The following UGGT2 variants were observed in gnomAD, a reference collection of about 807,000 sequenced individuals.
UGGT2 encodes the protein UDP-glucose:glycoprotein glucosyltransferase 2.
In UGGT2, 180 loss-of-function variants were observed where a neutral mutation model predicts 192.1. That is an observed-to-expected ratio of 0.94 (90% confidence interval 0.83 to 1.06). The LOEUF is 1.06. Ranked by LOEUF, UGGT2 falls within the 50% of genes least tolerant of loss-of-function variation. UGGT2 has a pLI of 0.00. For synonymous variants in UGGT2, 580 were observed against 591.0 expected, an observed-to-expected ratio of 0.98 and a Z score of 0.27; for missense variants, 1,849 against 1,795.7, an observed-to-expected ratio of 1.03 and a Z score of -0.54.
chr13:95,891,998 G>A (rs1036968212), intron 24 of UGGT2, among the ~76,000 whole-genome samples: 8 of 152,208 alleles, frequency 5.3e-5, no homozygotes, highest in Middle Eastern at 3.4e-3. Context: ...GATAATTATT[G>A]CTAGACCTAA....
chr13:95,960,073 T>C (rs2050340030), intron 12 of UGGT2, among the ~76,000 whole-genome samples: 1 of 152,188 alleles, frequency 6.6e-6, no homozygotes, highest in African/African-American at 2.4e-5. Flanking sequence ...AAAAGTGTAC[T>C]ATGCAACTAA....
At position 95,932,913 on chromosome 13, in the gene UGGT2, A is replaced by G. The variant is rs757146522; in HGVS notation, c.1977+4011T>C. On this transcript the variant is annotated intron_variant, in intron 17 of 38. Coordinates refer to ENST00000376747, the MANE Select transcript of UGGT2 (RefSeq NM_020121.4). The stretch of plus-strand genomic sequence containing the variant: ...TTACTGATTTGTTAATGTTGAACCA[A>G]CCTTTCTCAGGAGTGAAGCCTATTT... 3.3e-5 allele frequency among the ~76,000 whole-genome samples: 5 copies of G among 152,310 alleles called. No homozygotes were observed. In the East Asian group the frequency reaches 9.7e-4, roughly 29 times the overall value.
At chr13:96,052,982 C>A (rs926848005) in intron 1 of UGGT2, among the ~76,000 whole-genome samples, 173 bp downstream of exon 1, 7 of 152,242 alleles carry the variant, frequency 4.6e-5, no homozygotes, top group African/African-American at 1.7e-4. Context: ...TGCACGGGAA[C>A]CGAGAAGCCG....
intron 10 of UGGT2, among the ~76,000 whole-genome samples, chr13:95,981,545 A>G (rs2051125911): frequency 6.6e-6 from 1 of 152,170 alleles, no homozygotes; most frequent in Admixed American, 6.5e-5. Context: ...AAATTTCTTA[A>G]GTAAATCCTT....
chr13:95,885,392 C>T (rs1283492291), intron 26 of UGGT2, among the ~76,000 whole-genome samples: 12 of 152,148 alleles, frequency 7.9e-5, no homozygotes, highest in Non-Finnish European at 1.5e-4. Flanking sequence ...GAATGAGGAC[C>T]GCAGTTCCTT....
chr13:95,842,155 C>T (rs544682603), intron 36 of UGGT2, among the ~76,000 whole-genome samples: 30 of 152,290 alleles, frequency 2.0e-4, no homozygotes, highest in African/African-American at 6.5e-4. Flanking sequence ...ACCCTTAAGA[C>T]TCCCTGTGTC....
chr13:95,840,943 C>T (rs1445809436), intron 36 of UGGT2, among the ~76,000 whole-genome samples: 1 of 152,094 alleles, frequency 6.6e-6, no homozygotes. Context: ...AACAAATTAA[C>T]ACAGGTACAG....
In UGGT2 at chr13:96,050,699, G is replaced by A. The variant is rs549410405; in HGVS notation, c.158+2456C>T. Among the ~76,000 whole-genome samples, 21 of 152,322 alleles carry A rather than the reference G, an allele frequency of 1.4e-4. No homozygotes were observed. The East Asian group carries it at 4.0e-3, about 29-fold the overall frequency. On this transcript the variant is annotated intron_variant, in intron 1 of 38. Transcript: ENST00000376747. ...TATGAACAGACACTTCTCAAAAGAAGACATTTATGCAACCAACAGACACAT... is the reference window on the plus strand; with the variant it reads ...TATGAACAGACACTTCTCAAAAGAAAACATTTATGCAACCAACAGACACAT...
At chr13:96,019,136 G>C (rs931345459) in intron 4 of UGGT2, among the ~76,000 whole-genome samples, 11 of 84,436 alleles carry the variant, frequency 1.3e-4, no homozygotes, top group East Asian at 4.3e-4. Flanking sequence ...GGGGGGGGGG[G>C]GGAATGTTTC....
At chr13:96,048,458 G>T (rs769572712) in intron 1 of UGGT2, among the ~76,000 whole-genome samples, 1 of 152,136 alleles carries the variant, frequency 6.6e-6, no homozygotes, top group Admixed American at 6.5e-5. Context: ...TCAAAAGCTA[G>T]CAGAAGGCAA....
rs147364438 is a variant in UGGT2, at chr13:95,980,109, A to T, written c.1092+3695T>A. On this transcript the variant is annotated intron_variant, in intron 10 of 38. Coordinates refer to ENST00000376747, the MANE Select transcript of UGGT2 (RefSeq NM_020121.4). ...GGAGATTCGTAAAAGCAGATCTACC[A>T]TTTGATCTAGCAATCCCACTACTAG... Among the ~76,000 whole-genome samples the T allele has an allele frequency of 1.2e-4, 18 of 152,304 alleles. No individual in the cohort carries two copies. In the East Asian group the frequency reaches 3.1e-3, roughly 26 times the overall value.
chr13:95,965,137 T>C (rs2050528631), intron 12 of UGGT2, among the ~76,000 whole-genome samples: 1 of 150,700 alleles, frequency 6.6e-6, no homozygotes, highest in Non-Finnish European at 1.5e-5. Context: ...TTTTACACTG[T>C]TGGTGGGACT....
intron 22 of UGGT2, 114 bp downstream of exon 22, chr13:95,900,693 T>G: frequency 8.3e-7 from 1 of 1,199,848 alleles, no homozygotes; most frequent in Non-Finnish European, 1.1e-6. Flanking sequence ...CTTCAGCTCA[T>G]GAACACCGTC....
intron 27 of UGGT2, among the ~76,000 whole-genome samples, chr13:95,880,944 G>A (rs1273584898): frequency 2.0e-5 from 3 of 152,188 alleles, no homozygotes; most frequent in East Asian, 1.9e-4. Flanking sequence ...GGAGGCCGAG[G>A]TGGGTGGATC....
chr13:95,927,577 T>C (rs2049066392), intron 17 of UGGT2, among the ~76,000 whole-genome samples: 2 of 152,134 alleles, frequency 1.3e-5, no homozygotes, highest in Admixed American at 6.6e-5. Context: ...TAACCATTTC[T>C]TGAGCACCTA....
chr13:95,911,597 C>T (rs1273020834), intron 20 of UGGT2, among the ~76,000 whole-genome samples: 3 of 152,112 alleles, frequency 2.0e-5, no homozygotes, highest in African/African-American at 7.2e-5. Flanking sequence ...TAATTAATAG[C>T]CTACCAACTA....
intron 38 of UGGT2, among the ~76,000 whole-genome samples, chr13:95,830,231 A>T (rs1323372331): frequency 6.6e-6 from 1 of 152,230 alleles, no homozygotes; most frequent in African/African-American, 2.4e-5. Context: ...CAAGGACTTC[A>T]TGACTAAAAC....
At chr13:96,037,672 T>TTA (rs1292273926) in intron 1 of UGGT2, among the ~76,000 whole-genome samples, 1 of 152,176 alleles carries the variant, frequency 6.6e-6, no homozygotes, top group African/African-American at 2.4e-5. Flanking sequence ...ATTTTTGGAT[T>TTA]TAAAGCATTA....
At chr13:95,958,906 C>A (rs986191290) in intron 12 of UGGT2, among the ~76,000 whole-genome samples, 1 of 152,178 alleles carries the variant, frequency 6.6e-6, no homozygotes, top group African/African-American at 2.4e-5. Context: ...CCAACCTAAC[C>A]ATGGAAAAGC....
Sources: gnomAD v4.1 joint callset for allele counts (sites outside exome capture counted in the v4.1 genomes callset) on GRCh38, gnomAD v4.1.1 for gene constraint, MANE v1.5 for transcripts, NCBI Gene and HGNC (gene_info 2026-07-23, HGNC 2026-07-21) for gene names.